Variants in CA13 observed in about 807,000 individuals in gnomAD.
CA13 encodes CA-XIII.
In CA13, 21 loss-of-function variants were observed where a neutral mutation model predicts 31.5. The observed-to-expected ratio is 0.67, with a 90% CI of 0.47 to 0.96. The LOEUF (loss-of-function observed/expected upper bound fraction) is 0.96. Among genes scored for constraint, CA13 ranks in the 40% least tolerant of loss-of-function variants. The pLI, the probability that CA13 is intolerant of heterozygous loss-of-function variation, is 0.00. For synonymous variants in CA13, 117 were observed against 111.4 expected, an observed-to-expected ratio of 1.05 and a Z score of -0.32; for missense variants, 315 against 318.9, an observed-to-expected ratio of 0.99 and a Z score of 0.09.
intron 3 of CA13, among the ~76,000 whole-genome samples, chr8:85,262,808 C>T (rs1232598708): frequency 6.6e-6 from 1 of 151,942 alleles, no homozygotes; most frequent in African/African-American, 2.4e-5. Context: ...GCAGTGGCAG[C>T]TTTAGTGGCA....
chr8:85,268,677 C>CTTTT, intron 6 of CA13, 50 bp downstream of exon 6: 4 of 974,578 alleles, frequency 4.1e-6, no homozygotes, highest in Middle Eastern at 3.2e-4. Context: ...GGAAACTGGG[C>CTTTT]TTTTTTTTTT....
intron 1 of CA13, among the ~76,000 whole-genome samples, chr8:85,247,774 T>C (rs1443880739): frequency 6.6e-6 from 1 of 152,196 alleles, no homozygotes; most frequent in Non-Finnish European, 1.5e-5. Flanking sequence ...TTTCGTCATG[T>C]TGGCCAGGCT....
At chr8:85,251,054 T>C (rs1563999267) in intron 2 of CA13, 117 bp downstream of exon 2, 2 of 876,826 alleles carry the variant, frequency 2.3e-6, no homozygotes, top group Non-Finnish European at 3.6e-6. Flanking sequence ...CAGGCTGAAG[T>C]GTAGTGGCGC....
At chr8:85,271,224 A>G (rs949187429) in intron 6 of CA13, among the ~76,000 whole-genome samples, 1 of 152,210 alleles carries the variant, frequency 6.6e-6, no homozygotes, top group Non-Finnish European at 1.5e-5. Flanking sequence ...CAGTATTCTC[A>G]AGGTTGTTAA....
chr8:85,247,047 A>G (rs1245219603), intron 1 of CA13, among the ~76,000 whole-genome samples: 1 of 152,244 alleles, frequency 6.6e-6, no homozygotes, highest in African/African-American at 2.4e-5. Context: ...TAGTTTAAAA[A>G]TGGCAGCAGG....
rs1175856496 is a variant in CA13, at chr8:85,248,905, CAGTGAAAT to C, written c.38-1832_38-1825del. On this transcript the variant is annotated intron_variant, in intron 1 of 6. Transcript: ENST00000321764. ...CGTTAGGTTAACTCTTACTTGGTGG[CAGTGAAAT>C]AGAAGGCTTTTTCTGAATTAAGGGG... is the stretch of plus-strand genomic sequence containing the variant. Among the ~76,000 whole-genome samples the C allele has an allele frequency of 4.6e-5, 7 of 152,070 alleles. No individual in the cohort carries two copies. The East Asian group carries it at 1.4e-3, about 29-fold the overall frequency.
At chr8:85,268,115 T>C (rs756547742) in intron 5 of CA13, 151 bp downstream of exon 5, 2 of 567,586 alleles carry the variant, frequency 3.5e-6, no homozygotes, top group Non-Finnish European at 6.2e-6. Context: ...ACCACTTATC[T>C]TTTGAATGTA....
chr8:85,255,392 A>G (rs1807276249), intron 2 of CA13, among the ~76,000 whole-genome samples: 1 of 151,850 alleles, frequency 6.6e-6, no homozygotes. Flanking sequence ...CCTCCTGAGT[A>G]GCTGGGATTA....
rs772508446 is a variant in CA13, at chr8:85,281,252, T to C, written c.692T>C (p.Leu231Pro). Reference sequence around the variant, plus strand: ...CAGCTGGCCAAATTTCGCAGTCTCCTGTGCACAGCGGAGGGTGAAGCAGCA... The same window carrying C: ...CAGCTGGCCAAATTTCGCAGTCTCCCGTGCACAGCGGAGGGTGAAGCAGCA... ...SQQLAKFRSL[L>P]CTAEGEAAAF... Residue 231 changes from leucine to proline, a missense_variant, in exon 7 of 7, where the codon CTG (leucine) becomes CCG (proline). Physicochemically the swap from Leu to Pro is moderately conservative, Grantham distance 98. Transcript: ENST00000321764. 6.2e-6 allele frequency: 10 copies of C among 1,613,962 alleles called. No homozygotes were observed. The highest frequency in any genetic ancestry group is 7.6e-6 in the Non-Finnish European group (9 of 1,179,974).
chr8:85,250,497 TC>T (rs1813806638), intron 1 of CA13, among the ~76,000 whole-genome samples: 1 of 152,182 alleles, frequency 6.6e-6, no homozygotes, highest in Non-Finnish European at 1.5e-5. Context: ...CAGACTCTTG[TC>T]TACAAGGGTT....
In CA13 at chr8:85,250,863, C is replaced by G; in HGVS notation, c.161C>G (p.Pro54Arg). Reference sequence around the variant, plus strand: ...CGACCACTTAGTATCAAGTATGACCCAAGCTCAGCTAAAATCATCAGCAAC... The same window carrying G: ...CGACCACTTAGTATCAAGTATGACCGAAGCTCAGCTAAAATCATCAGCAAC... ...SLRPLSIKYD[P>R]SSAKIISNSG... The change falls in exon 2 of 7, where the codon CCA becomes CGA. Residue 54 changes from proline (P) to arginine (R), a missense_variant. By Grantham distance (103) the Pro-to-Arg change is moderately radical. Transcript: ENST00000321764. 4 of 1,614,044 alleles carry G rather than the reference C, an allele frequency of 2.5e-6. No homozygotes were observed. The African/African-American group carries it at 4.0e-5, about 16-fold the overall frequency.
chr8:85,251,680 T>C (rs1251562024), intron 2 of CA13, among the ~76,000 whole-genome samples: 1 of 152,240 alleles, frequency 6.6e-6, no homozygotes, highest in Non-Finnish European at 1.5e-5. Flanking sequence ...TATTCTCTTA[T>C]TTTAATTGCC....
At chr8:85,279,295 G>A (rs1471297311) in intron 6 of CA13, among the ~76,000 whole-genome samples, 1 of 152,190 alleles carries the variant, frequency 6.6e-6, no homozygotes, top group African/African-American at 2.4e-5. Context: ...AACCACATAA[G>A]GGGATAAGAC....
At chr8:85,274,884 C>A (rs962655322) in intron 6 of CA13, among the ~76,000 whole-genome samples, 1 of 152,198 alleles carries the variant, frequency 6.6e-6, no homozygotes, top group African/African-American at 2.4e-5. Flanking sequence ...TCGTTTTTCT[C>A]TGGTTAGGTT....
chr8:85,273,924 G>A (rs563145557), intron 6 of CA13, among the ~76,000 whole-genome samples: 7 of 151,936 alleles, frequency 4.6e-5, no homozygotes, highest in African/African-American at 7.2e-5. Flanking sequence ...GCAGGCAGGC[G>A]TTTTATAGTC....
intron 2 of CA13, among the ~76,000 whole-genome samples, chr8:85,253,137 G>T (rs1048108801): frequency 6.6e-6 from 1 of 151,794 alleles, no homozygotes; most frequent in African/African-American, 2.4e-5. Context: ...TAGAGACAGG[G>T]TTTCTCCATG....
chr8:85,253,048 C>A (rs969383983), intron 2 of CA13, among the ~76,000 whole-genome samples: 6 of 151,692 alleles, frequency 4.0e-5, no homozygotes, highest in Non-Finnish European at 8.8e-5. Context: ...CGGGTTCAAG[C>A]GATTCTCCTG....
intron 4 of CA13, 61 bp downstream of exon 4, chr8:85,266,764 C>A: frequency 7.9e-7 from 1 of 1,260,002 alleles, no homozygotes; most frequent in Non-Finnish European, 1.1e-6. Flanking sequence ...GCTTCAGTCA[C>A]GAAGTAGACA....
chr8:85,270,038 T>C (rs1807508144), intron 6 of CA13, among the ~76,000 whole-genome samples: 1 of 152,260 alleles, frequency 6.6e-6, no homozygotes, highest in Admixed American at 6.5e-5. Flanking sequence ...ATCCAGTCTT[T>C]AATGTTCAGA....
Sources: gnomAD v4.1 joint callset for allele counts (sites outside exome capture counted in the v4.1 genomes callset) on GRCh38, gnomAD v4.1.1 for gene constraint, MANE v1.5 for transcripts, NCBI Gene and HGNC (gene_info 2026-07-23, HGNC 2026-07-21) for gene names.